SEL1L3: variants seen among roughly 807,000 people sequenced by gnomAD.
SEL1L3 encodes protein sel-1 homolog 3.
Under a neutral mutation model 142.8 loss-of-function variants are expected in SEL1L3, and 76 were observed. The observed-to-expected ratio is 0.53, with a 90% CI of 0.44 to 0.64. The LOEUF (loss-of-function observed/expected upper bound fraction) is 0.64, where lower values mean the gene tolerates loss of function less well. Ranked by LOEUF, SEL1L3 falls within the 30% of genes least tolerant of loss-of-function variation. SEL1L3 has a pLI of 0.00. For missense variants in SEL1L3, 1,262 were observed against 1,381.7 expected (o/e 0.91, Z 1.37); for synonymous variants, 504 against 519.6 (o/e 0.97, Z 0.41).
chr4:25,790,642 G>GGAAA, intron 11 of SEL1L3, 68 bp from the exon 12 acceptor site: 1 of 39,090 alleles, frequency 2.6e-5, no homozygotes, highest in East Asian at 7.5e-4. Flanking sequence ...AAGGAAGGAA[G>GGAAA]GAAGGAAGGA....
Position 25,843,702 on chromosome 4 carries a change from T to C in SEL1L3, c.733+3592A>G, listed in dbSNP as rs866965295. ...AGCAGTAACACGTGCACCGGGGGCA[T>C]GTGGCCGAGTCGTGGCACACACGTG... is the stretch of plus-strand genomic sequence containing the variant. On this transcript the variant is annotated intron_variant, in intron 2 of 23. Coordinates refer to ENST00000399878, the MANE Select transcript of SEL1L3 (RefSeq NM_015187.5). 3.9e-5 allele frequency among the ~76,000 whole-genome samples: 6 copies of C among 152,326 alleles called. No individual in the cohort carries two copies. The South Asian group carries it at 1.2e-3, about 32-fold the overall frequency.
chr4:25,793,253 T>C (rs1712482320), intron 11 of SEL1L3, among the ~76,000 whole-genome samples: 3 of 152,120 alleles, frequency 2.0e-5, no homozygotes, highest in Admixed American at 2.0e-4. Context: ...ATCTGGGTGG[T>C]GACGTAAATG....
intron 9 of SEL1L3, among the ~76,000 whole-genome samples, chr4:25,813,897 C>A (rs1204568195): frequency 6.6e-6 from 1 of 152,134 alleles, no homozygotes; most frequent in Non-Finnish European, 1.5e-5. Flanking sequence ...GTTAATGAAG[C>A]CAAAGCCTCC....
At chr4:25,724,581 T>C in the SEL1L3 span, among the ~76,000 whole-genome samples, 1 of 150,126 alleles carries the variant, frequency 6.7e-6, no homozygotes, top group Non-Finnish European at 1.5e-5. Flanking sequence ...CTACTAAAAA[T>C]ACAAAAAATT....
chr4:25,746,795 G>T (rs1717284642), downstream of SEL1L3, among the ~76,000 whole-genome samples: 1 of 151,596 alleles, frequency 6.6e-6, no homozygotes, highest in South Asian at 2.1e-4. Context: ...ACAGGACTCT[G>T]AGCCAATAAA....
chr4:25,724,458 A>G, the SEL1L3 span, among the ~76,000 whole-genome samples: 2 of 151,790 alleles, frequency 1.3e-5, no homozygotes, highest in Non-Finnish European at 1.5e-5. Context: ...AAAGAAAAAA[A>G]AGGCCAGGTA....
chr4:25,818,340 T>C, intron 8 of SEL1L3, 62 bp from the exon 9 acceptor site: 1 of 1,394,334 alleles, frequency 7.2e-7, no homozygotes, highest in Non-Finnish European at 9.6e-7. Flanking sequence ...CTCACCTCCC[T>C]AAAGCCCTTC....
At chr4:25,811,622 T>A (rs956099498) in intron 9 of SEL1L3, among the ~76,000 whole-genome samples, 1 of 152,180 alleles carries the variant, frequency 6.6e-6, no homozygotes, top group African/African-American at 2.4e-5. Context: ...TCATTTGGGC[T>A]GCCGCCATTC....
chr4:25,759,641 C>T (rs1718239818), intron 20 of SEL1L3: 1 of 154,112 alleles, frequency 6.5e-6, no homozygotes, highest in Non-Finnish European at 1.4e-5. Flanking sequence ...CCTACCTCTT[C>T]CTCTGACACC....
At chr4:25,778,984 T>TA in intron 16 of SEL1L3, 92 bp downstream of exon 16, 1 of 1,198,382 alleles carries the variant, frequency 8.3e-7, no homozygotes, top group Non-Finnish European at 1.2e-6. Flanking sequence ...GTACAACTGG[T>TA]AAAAATAAAG....
chr4:25,761,316 T>C (rs1437808970), intron 20 of SEL1L3, among the ~76,000 whole-genome samples: 1 of 152,054 alleles, frequency 6.6e-6, no homozygotes, highest in Non-Finnish European at 1.5e-5. Context: ...CAGCCACGCA[T>C]GGCTAATTTT....
chr4:25,774,058 C>A (rs1719426122), intron 17 of SEL1L3, among the ~76,000 whole-genome samples: 1 of 152,186 alleles, frequency 6.6e-6, no homozygotes, highest in South Asian at 2.1e-4. Flanking sequence ...AGTTTCCAAA[C>A]ACTTTCCAGG....
At chr4:25,785,507 T>G (rs1373359637) in intron 13 of SEL1L3, among the ~76,000 whole-genome samples, 1 of 152,240 alleles carries the variant, frequency 6.6e-6, no homozygotes, top group African/African-American at 2.4e-5. Context: ...CTTGACTGTG[T>G]ATCTTTCAGG....
At position 25,748,411 on chromosome 4, in the gene SEL1L3, C is replaced by T; in HGVS notation, c.*14G>A. ...AAGATTCTCTCTCATCTGGAGAGAA[C>T]TGGAGTGCACAGTTCACCCACGTGG... is the stretch of plus-strand genomic sequence containing the variant. On this transcript the variant is annotated 3_prime_UTR_variant, in exon 24 of 24. Transcript: ENST00000399878. 1.2e-6 allele frequency: 2 copies of T among 1,601,990 alleles called. No individual in the cohort carries two copies. Among genetic ancestry groups the T allele is most frequent in the South Asian group, 1.1e-5 (1 of 88,386 alleles).
intron 1 of SEL1L3, among the ~76,000 whole-genome samples, chr4:25,858,838 C>T (rs1024997281): frequency 1.3e-5 from 2 of 152,160 alleles, no homozygotes; most frequent in Non-Finnish European, 2.9e-5. Flanking sequence ...CCTGCTTCGG[C>T]CTCCCAAAGT....
At chr4:25,726,607 C>T in the SEL1L3 span, among the ~76,000 whole-genome samples, 4 of 151,742 alleles carry the variant, frequency 2.6e-5, no homozygotes, top group Non-Finnish European at 5.9e-5. Flanking sequence ...AGATTTAGGC[C>T]AGTGAAGTGA....
intron 7 of SEL1L3, 94 bp from the exon 8 acceptor site, chr4:25,820,034 A>T: frequency 4.0e-6 from 5 of 1,235,920 alleles, no homozygotes; most frequent in Non-Finnish European, 5.7e-6. Context: ...TTGTTCTCCC[A>T]TTGACATCTC....
Position 25,790,487 on chromosome 4 carries a change from G to A in SEL1L3, c.2044C>T (p.His682Tyr), listed in dbSNP as rs1265022665. ...GCTGCATTGCCTCGGGTAGCTTCAT[G>A]CTTCAACCACATAAAGACATCTCCA... ...EDGDVFMWLK[H>Y]EATRGNAAAQ... The change falls in exon 12 of 24, where the codon CAT becomes TAT. Residue 682 changes from histidine to tyrosine, a missense_variant. His to Tyr is a moderately conservative substitution (Grantham distance 83). This residue lies in a region of SEL1L3 where 435 missense variants were observed against 559.2 expected (regional missense o/e 0.78). Coordinates refer to ENST00000399878, the MANE Select transcript of SEL1L3 (RefSeq NM_015187.5). The A allele has an allele frequency of 5.6e-6, 9 of 1,613,616 alleles. No individual in the cohort carries two copies. The highest frequency in any genetic ancestry group is 7.6e-6 in the Non-Finnish European group (9 of 1,179,820).
intron 2 of SEL1L3, among the ~76,000 whole-genome samples, chr4:25,844,511 T>G (rs1716388870): frequency 6.6e-6 from 1 of 152,164 alleles, no homozygotes; most frequent in Admixed American, 6.5e-5. Context: ...ACTGTGCTGT[T>G]CCTAAGCCTT....
Sources: allele counts gnomAD v4.1 joint callset (sites outside exome capture counted in the v4.1 genomes callset), GRCh38; gene constraint gnomAD v4.1.1; regional missense constraint gnomAD v4.1.1; transcripts MANE v1.5; gene names NCBI Gene and HGNC (gene_info 2026-07-23, HGNC 2026-07-21).